JAK1: variants seen among roughly 807,000 people sequenced by gnomAD.
JAK1 encodes the protein Janus kinase 1, also known as tyrosine-protein kinase JAK1.
In JAK1, 16 loss-of-function variants were observed where a neutral mutation model predicts 136.6. The observed-to-expected ratio is 0.12, with a 90% CI of 0.08 to 0.18. JAK1 has a LOEUF of 0.18. Ranked by LOEUF, JAK1 falls within the 10% of genes least tolerant of loss-of-function variation. The pLI is 1.00. For synonymous variants in JAK1, 492 were observed against 519.5 expected (o/e 0.95, Z 0.72); for missense variants, 859 against 1,450.1 (o/e 0.59, Z 6.62).
At chr1:64,997,871 C>G (rs914632126) in intron 2 of JAK1, among the ~76,000 whole-genome samples, 1 of 152,190 alleles carries the variant, frequency 6.6e-6, no homozygotes, top group African/African-American at 2.4e-5. Context: ...TTGTTTCCTG[C>G]TGATGGAAGC....
chr1:64,881,559 C>T (rs913200364), intron 3 of JAK1, among the ~76,000 whole-genome samples: 3 of 152,112 alleles, frequency 2.0e-5, no homozygotes, highest in Admixed American at 6.5e-5. Context: ...ACAGTGAGAG[C>T]TACAAGAACC....
intron 2 of JAK1, among the ~76,000 whole-genome samples, chr1:65,028,045 C>T (rs181381513): frequency 9.0e-4 from 137 of 152,262 alleles, no homozygotes; most frequent in Non-Finnish European, 6.6e-4. Context: ...CACAGAACTG[C>T]CTGAGCTCTT....
intron 1 of JAK1, among the ~76,000 whole-genome samples, chr1:64,898,172 T>C (rs573552238): frequency 5.0e-4 from 76 of 152,316 alleles, no homozygotes; most frequent in African/African-American, 1.8e-3. Flanking sequence ...TCCCAAAGCT[T>C]GTCTTCCTGG....
intron 2 of JAK1, among the ~76,000 whole-genome samples, chr1:65,028,490 AG>A (rs1646996828): frequency 3.2e-5 from 1 of 31,140 alleles, no homozygotes; most frequent in African/African-American, 1.2e-4. Context: ...GAAGGGAGGG[AG>A]GGAGGGAGGG....
chr1:64,875,499 G>A (rs372010457), intron 4 of JAK1, among the ~76,000 whole-genome samples: 4 of 152,206 alleles, frequency 2.6e-5, no homozygotes, highest in Admixed American at 6.5e-5. Flanking sequence ...AACAGCTACT[G>A]AACACATGCT....
chr1:64,935,934 G>A (rs946062118), intron 1 of JAK1, among the ~76,000 whole-genome samples: 7 of 152,110 alleles, frequency 4.6e-5, no homozygotes, highest in Admixed American at 2.0e-4. Context: ...AGAACAGACC[G>A]GTGTGTGTCT....
At chr1:64,897,119 A>G (rs1645025592) in intron 1 of JAK1, among the ~76,000 whole-genome samples, 2 of 152,056 alleles carry the variant, frequency 1.3e-5, no homozygotes, top group South Asian at 4.2e-4. Context: ...TAAGGGAAAC[A>G]TGAAGAAATA....
chr1:64,973,181 G>A (rs920773115), intron 2 of JAK1: 1 of 127,604 alleles, frequency 7.8e-6, no homozygotes, highest in Admixed American at 8.1e-5. Context: ...AAGAAAGAAA[G>A]AAAGAAAAAG....
intron 2 of JAK1, among the ~76,000 whole-genome samples, chr1:64,996,014 A>G (rs967535574): frequency 6.6e-6 from 1 of 152,114 alleles, no homozygotes; most frequent in Non-Finnish European, 1.5e-5. Flanking sequence ...AAGTGCTGGG[A>G]TTATAGGCCT....
At chr1:64,860,509 A>G (rs980145759) in intron 8 of JAK1, among the ~76,000 whole-genome samples, 17 of 151,718 alleles carry the variant, frequency 1.1e-4, no homozygotes, top group Admixed American at 6.6e-4. Context: ...GCTGGAGTGC[A>G]GTGGTGAGAT....
At chr1:65,064,117 A>G (rs1051478370) in intron 1 of JAK1, among the ~76,000 whole-genome samples, 1 of 152,256 alleles carries the variant, frequency 6.6e-6, no homozygotes, top group East Asian at 1.9e-4. Flanking sequence ...TCATCAAAAT[A>G]CTTAATTTGC....
At chr1:64,933,075 A>C (rs1320247673) in intron 1 of JAK1, among the ~76,000 whole-genome samples, 1 of 152,194 alleles carries the variant, frequency 6.6e-6, no homozygotes, top group Non-Finnish European at 1.5e-5. Flanking sequence ...TAAACACTAC[A>C]CCAGTGGTAG....
rs1654608038 is a variant in JAK1 at position 64,838,119 on chromosome 1, T to C, written c.2968-15A>G. On this transcript the variant is annotated splice_polypyrimidine_tract_variant and intron_variant, in intron 21 of 24. Transcript: ENST00000342505. ...TAGTCCATCCCCTGAGAGAGAGAAG[T>C]AAAAGTCAAGCACATTGCTAAAGTC... 3.7e-6 allele frequency: 6 copies of C among 1,607,234 alleles called. No homozygotes were observed. Among genetic ancestry groups the C allele is most frequent in the Non-Finnish European group, 5.1e-6 (6 of 1,175,444 alleles).
upstream of JAK1, among the ~76,000 whole-genome samples, chr1:64,969,529 T>C (rs1488215849): frequency 6.6e-6 from 1 of 151,604 alleles, no homozygotes; most frequent in Non-Finnish European, 1.5e-5. Context: ...CTAGGGATAA[T>C]GTGGAAGATG....
chr1:64,943,196 G>C (rs1042338242), intron 1 of JAK1, among the ~76,000 whole-genome samples: 3 of 152,052 alleles, frequency 2.0e-5, no homozygotes, highest in African/African-American at 7.2e-5. Context: ...CTAATTAGTA[G>C]CACTATAAAG....
intron 1 of JAK1, among the ~76,000 whole-genome samples, chr1:64,939,462 G>A (rs771328955): frequency 1.4e-4 from 22 of 152,242 alleles, no homozygotes; most frequent in Middle Eastern, 6.8e-3. Flanking sequence ...TGCAGTAAGC[G>A]GAAAGCATGG....
chr1:64,933,324 C>T (rs1645731493), intron 1 of JAK1, among the ~76,000 whole-genome samples: 1 of 152,228 alleles, frequency 6.6e-6, no homozygotes, highest in South Asian at 2.1e-4. Flanking sequence ...TGGCCACCAT[C>T]CAGACATCAG....
intron 2 of JAK1, among the ~76,000 whole-genome samples, chr1:65,018,350 G>A (rs1646907016): frequency 6.6e-6 from 1 of 152,062 alleles, no homozygotes; most frequent in African/African-American, 2.4e-5. Flanking sequence ...ACAAAAATGT[G>A]TAAAATAGAA....
At chr1:64,968,630 A>AAAAC (rs769230139), upstream of JAK1, among the ~76,000 whole-genome samples, 10 of 152,020 alleles carry the variant, frequency 6.6e-5, no homozygotes, top group African/African-American at 1.7e-4. Flanking sequence ...CTCTAAAATA[A>AAAAC]AAACAAACAA....
Sources: allele counts gnomAD v4.1 joint callset (sites outside exome capture counted in the v4.1 genomes callset), GRCh38; gene constraint gnomAD v4.1.1; transcripts MANE v1.5; gene names NCBI Gene and HGNC (gene_info 2026-07-23, HGNC 2026-07-21).